The following UBE2Z variants were observed in gnomAD, a reference collection of about 807,000 sequenced individuals.
UBE2Z encodes ubiquitin conjugating enzyme E2 Z, also known as ubiquitin-conjugating enzyme E2 Z.
Under a neutral mutation model 32.6 loss-of-function variants are expected in UBE2Z, and 10 were observed. The ratio of observed to expected loss-of-function variants is 0.31; its 90% CI spans 0.19 to 0.52. UBE2Z has a LOEUF of 0.52. Among genes scored for constraint, UBE2Z ranks in the 20% least tolerant of loss-of-function variants. The pLI, the probability that UBE2Z is intolerant of heterozygous loss-of-function variation, is 0.97. For synonymous variants in UBE2Z, 183 were observed against 190.8 expected (o/e 0.96, Z 0.34); for missense variants, 343 against 480.9 (o/e 0.71, Z 2.68).
At position 48,916,258 on chromosome 17, in the gene UBE2Z, G is replaced by GTTTTTTTTTTTT. The variant is rs371253123; in HGVS notation, c.690+75_690+86dup. The stretch of plus-strand genomic sequence containing the variant: ...GTTTGTTTGGTTGGTTGGTTTTTTT[G>GTTTTTTTTTTTT]TTTTTTTTTTTTTTTGAGACAGAGT... On this transcript the variant is annotated intron_variant, in intron 4 of 6. Coordinates refer to ENST00000360943, the MANE Select transcript of UBE2Z (RefSeq NM_023079.5). 2.7e-4 allele frequency: 112 copies of GTTTTTTTTTTTT among 418,904 alleles called. 2 individuals carry two copies. The highest frequency in any genetic ancestry group is 6.6e-4 in the Middle Eastern group (1 of 1,518). 25.9% of individuals were successfully genotyped at this position (418,904 alleles called of 1,614,324 possible).
intron 4 of UBE2Z, among the ~76,000 whole-genome samples, chr17:48,917,083 G>C (rs1471350507): frequency 2.0e-5 from 3 of 152,050 alleles, no homozygotes; most frequent in East Asian, 3.9e-4. Context: ...GAGGCGGGCA[G>C]ATCACAAGGT....
chr17:48,923,380 C>T (rs2040776852), intron 6 of UBE2Z, among the ~76,000 whole-genome samples: 1 of 150,754 alleles, frequency 6.6e-6, no homozygotes, highest in African/African-American at 2.5e-5. Context: ...CCTGTAATCC[C>T]AGCACTTTGG....
At chr17:48,921,084 C>G in intron 4 of UBE2Z, 76 bp from the exon 5 acceptor site, 4 of 1,203,540 alleles carry the variant, frequency 3.3e-6, no homozygotes, top group Non-Finnish European at 4.8e-6. Flanking sequence ...ATACCCCATA[C>G]TAATCTTGAA....
rs189974153 is a variant in UBE2Z, at chr17:48,910,956, A to G, written c.390+76A>G. 5.6e-4 allele frequency: 659 copies of G among 1,176,142 alleles called. 4 individuals carry two copies. The Admixed American group carries it at 7.8e-3, about 14-fold the overall frequency. The allele number at this position is 1,176,142 out of a possible 1,614,324, so 72.9% of individuals were successfully genotyped here. On this transcript the variant is annotated intron_variant, in intron 2 of 6. Transcript: ENST00000360943. ...AGGTTGCAAAAGCCTAAAAGAGATT[A>G]TTCAGCTCACCTCTCCGATTACACA...
In UBE2Z at chr17:48,927,161, ACT is replaced by A. The variant is rs2040803857; in HGVS notation, c.*29_*30del. ...CCCTGCTCCCATCTCCCCTTCCCCC[ACT>A]CAAGAGTCCCAGCAGAATCCCTTCC... is the stretch of plus-strand genomic sequence containing the variant. On this transcript the variant is annotated 3_prime_UTR_variant, in exon 7 of 7. Transcript: ENST00000360943. 1 of 1,610,076 alleles carries A rather than the reference ACT, an allele frequency of 6.2e-7. No homozygotes were observed. Among genetic ancestry groups the A allele is most frequent in the Non-Finnish European group, 8.5e-7 (1 of 1,177,860 alleles).
At chr17:48,926,853 C>A in intron 6 of UBE2Z, 111 bp from the exon 7 acceptor site, 1 of 1,238,746 alleles carries the variant, frequency 8.1e-7, no homozygotes, top group Non-Finnish European at 1.1e-6. Context: ...GGCCTTCCTG[C>A]TCCCATGGCT....
chr17:48,916,023 T>C, intron 3 of UBE2Z, 53 bp from the exon 4 acceptor site: 1 of 1,278,474 alleles, frequency 7.8e-7, no homozygotes, highest in South Asian at 1.4e-5. Flanking sequence ...CCAGGGTACT[T>C]GTTCCCTATT....
chr17:48,917,003 C>G (rs1486530888), intron 4 of UBE2Z, among the ~76,000 whole-genome samples: 2 of 149,088 alleles, frequency 1.3e-5, no homozygotes, highest in African/African-American at 5.0e-5. Context: ...CTCGGTCCCC[C>G]CACCCCCAAA....
At chr17:48,925,242 G>A (rs1486420984) in intron 6 of UBE2Z, among the ~76,000 whole-genome samples, 4 of 148,858 alleles carry the variant, frequency 2.7e-5, no homozygotes, top group Admixed American at 6.8e-5. Flanking sequence ...CCGAGATCAC[G>A]TTGCACTCTA....
chr17:48,909,104 A>ACACCTCC, intron 1 of UBE2Z: 1 of 51,318 alleles, frequency 1.9e-5, no homozygotes, highest in East Asian at 4.1e-4. Flanking sequence ...ACCCTCCCCC[A>ACACCTCC]CACCTCCCAC....
At chr17:48,922,963 C>T in intron 6 of UBE2Z, 26 bp downstream of exon 6, 1 of 1,591,470 alleles carries the variant, frequency 6.3e-7, no homozygotes, top group Non-Finnish European at 8.6e-7. Flanking sequence ...CTGCTAATTG[C>T]AGAAGCCCTA....
intron 2 of UBE2Z, 136 bp downstream of exon 2, chr17:48,911,016 C>T: frequency 2.6e-6 from 2 of 757,048 alleles, no homozygotes; most frequent in Non-Finnish European, 4.6e-6. Context: ...GAGTAAGTGG[C>T]TTGTCCAAGG....
chr17:48,922,699 A>G (rs1165521189), intron 5 of UBE2Z, 148 bp from the exon 6 acceptor site: 3 of 496,528 alleles, frequency 6.0e-6, no homozygotes, highest in Non-Finnish European at 1.1e-5. Context: ...TCCGGGAGGC[A>G]GAGGTCACAG....
intron 6 of UBE2Z, among the ~76,000 whole-genome samples, chr17:48,926,498 C>G (rs1234675707): frequency 6.9e-6 from 1 of 143,926 alleles, no homozygotes; most frequent in Non-Finnish European, 1.5e-5. Flanking sequence ...TTTTTGAGAC[C>G]AAGTTTTACT....
chr17:48,912,888 C>G lies in UBE2Z; in HGVS notation c.445C>G (p.Leu149Val). 6.2e-7 allele frequency: 1 copy of G among 1,613,808 alleles called. No individual in the cohort carries two copies. Among genetic ancestry groups the G allele is most frequent in the South Asian group, 1.1e-5 (1 of 91,054 alleles). ...CACTCCTTATGAAGGGGGTTTCTTC[C>G]TGTTCGTGTTTCGGTGTCCGCCCGA... ...FDTPYEGGFFLFVFRCPPDYP... is the reference protein window; with the variant it reads ...FDTPYEGGFFVFVFRCPPDYP... The change falls in exon 3 of 7, where the codon CTG becomes GTG. Residue 149 changes from leucine to valine, a missense_variant. By Grantham distance (32) the Leu-to-Val change is conservative. Coordinates refer to ENST00000360943, the MANE Select transcript of UBE2Z (RefSeq NM_023079.5).
At chr17:48,908,950 A>C in intron 1 of UBE2Z, 130 bp downstream of exon 1, 1 of 577,610 alleles carries the variant, frequency 1.7e-6, no homozygotes, top group Non-Finnish European at 2.5e-6. Flanking sequence ...TCCACGGCCC[A>C]AATCTTGCCA....
At position 48,928,494 on chromosome 17, in the gene UBE2Z, TC is replaced by T. The variant is rs2040812474; in HGVS notation, c.*1362del. ...TTGTGATGCAGGGCCTCAGTCAGTG[TC>T]CAGCCATGCATAAGGGAGAGGATAG... On this transcript the variant is annotated 3_prime_UTR_variant, in exon 7 of 7. Transcript: ENST00000360943. The T allele has an allele frequency of 6.5e-6, 1 of 152,702 alleles. No homozygotes were observed. Among genetic ancestry groups the T allele is most frequent in the South Asian group, 2.1e-4 (1 of 4,830 alleles). 9.5% of individuals were successfully genotyped at this position (152,702 alleles called of 1,614,324 possible). A position where few individuals can be genotyped will look rare whatever the true frequency, so the allele number is the denominator to read the frequency against.
chr17:48,926,814 C>A, intron 6 of UBE2Z, 150 bp from the exon 7 acceptor site: 1 of 803,936 alleles, frequency 1.2e-6, no homozygotes, highest in South Asian at 2.0e-5. Context: ...GGTTATTTTG[C>A]CTGCTGTTTG....
At chr17:48,916,740 T>C (rs1421824706) in intron 4 of UBE2Z, among the ~76,000 whole-genome samples, 1 of 151,390 alleles carries the variant, frequency 6.6e-6, no homozygotes, top group Non-Finnish European at 1.5e-5. Context: ...CCCAGCACTT[T>C]GGGAGGCTGA....
Sources: gnomAD v4.1 joint callset for allele counts (sites outside exome capture counted in the v4.1 genomes callset) on GRCh38, gnomAD v4.1.1 for gene constraint, MANE v1.5 for transcripts, NCBI Gene and HGNC (gene_info 2026-07-23, HGNC 2026-07-21) for gene names.